RACGAP1: variants seen among roughly 807,000 people sequenced by gnomAD.
RACGAP1 encodes rac GTPase-activating protein 1.
RACGAP1 carries 30 observed loss-of-function variants against 78.1 expected under a neutral mutation model. The observed-to-expected ratio is 0.38, with a 90% CI of 0.29 to 0.52. The LOEUF (loss-of-function observed/expected upper bound fraction) is 0.52, where lower values mean the gene tolerates loss of function less well. Ranked by LOEUF, RACGAP1 falls within the 20% of genes least tolerant of loss-of-function variation. RACGAP1 has a pLI of 0.82. For synonymous variants in RACGAP1, 231 were observed against 264.8 expected (o/e 0.87, Z 1.24); for missense variants, 587 against 777.1 (o/e 0.76, Z 2.91).
exon 2 of RACGAP1, chr12:50,031,845 C>G: frequency 1.5e-6 from 1 of 675,762 alleles, no homozygotes; most frequent in Non-Finnish European, 1.8e-6. Flanking sequence ...TTTCACAGGT[C>G]AGCTGTGGCT....
At chr12:50,030,182 G>C (rs1332275022), upstream of RACGAP1, among the ~76,000 whole-genome samples, 4 of 152,006 alleles carry the variant, frequency 2.6e-5, no homozygotes, top group Non-Finnish European at 2.9e-5. Context: ...TAACAAACTT[G>C]CTTTCATTTA....
At chr12:49,998,887 G>C (rs1215498790) in intron 9 of RACGAP1, among the ~76,000 whole-genome samples, 1 of 151,452 alleles carries the variant, frequency 6.6e-6, no homozygotes, top group Non-Finnish European at 1.5e-5. Context: ...GACAGAGTAA[G>C]ACTCTGTCTC....
At chr12:50,022,279 T>C (rs1950049951) in intron 1 of RACGAP1, among the ~76,000 whole-genome samples, 1 of 152,220 alleles carries the variant, frequency 6.6e-6, no homozygotes, top group African/African-American at 2.4e-5. Context: ...TCTTCTATGT[T>C]CAAAAAGTTA....
intron 9 of RACGAP1, among the ~76,000 whole-genome samples, chr12:49,997,885 A>G (rs566636084): frequency 6.6e-6 from 1 of 152,106 alleles, no homozygotes; most frequent in Non-Finnish European, 1.5e-5. Context: ...GCCATAATCA[A>G]CTAACATTTA....
In RACGAP1 at chr12:49,990,884, C is replaced by G. The variant is rs765392856; in HGVS notation, c.1715-92G>C. 53 of 911,942 alleles carry G rather than the reference C, an allele frequency of 5.8e-5. 1 individual carries two copies. The highest frequency in any genetic ancestry group is 8.1e-5 in the Non-Finnish European group (46 of 570,756). The allele number at this position is 911,942 out of a possible 1,614,324, so 56.5% of individuals were successfully genotyped here. A position where few individuals can be genotyped will look rare whatever the true frequency, so the allele number is the denominator to read the frequency against. ...TTTAAGCTGATTACCCTCTGAAGCACTTAAGAGCTAAGGTTAGACATCTAG... is the reference window on the plus strand; with the variant it reads ...TTTAAGCTGATTACCCTCTGAAGCAGTTAAGAGCTAAGGTTAGACATCTAG... On this transcript the variant is annotated intron_variant, in intron 15 of 16. Coordinates refer to ENST00000312377, the MANE Select transcript of RACGAP1 (RefSeq NM_001319999.2).
intron 7 of RACGAP1, among the ~76,000 whole-genome samples, chr12:50,000,909 G>T (rs112958224): frequency 6.6e-6 from 1 of 152,028 alleles, no homozygotes; most frequent in Admixed American, 6.6e-5. Flanking sequence ...TTAGCCAGAC[G>T]TGGTGGCATG....
intron 3 of RACGAP1, 44 bp downstream of exon 3, chr12:50,006,390 C>G: frequency 6.3e-7 from 1 of 1,599,986 alleles, no homozygotes; most frequent in African/African-American, 1.3e-5. Flanking sequence ...AATGCCTTCC[C>G]CCTCCTGCAT....
intron 8 of RACGAP1, 94 bp downstream of exon 8, chr12:49,999,522 C>T (rs1010400360): frequency 1.7e-6 from 2 of 1,156,464 alleles, no homozygotes; most frequent in Non-Finnish European, 2.6e-6. Context: ...CCCAATACAT[C>T]CAATCCCCGC....
intron 1 of RACGAP1, among the ~76,000 whole-genome samples, chr12:50,018,833 T>G (rs1026030729): frequency 1.3e-5 from 2 of 150,088 alleles, no homozygotes; most frequent in African/African-American, 5.1e-5. Flanking sequence ...CCTGTTCTCT[T>G]GTCCATTTTT....
At chr12:50,018,613 A>C (rs948633532) in intron 1 of RACGAP1, 3 of 1,230,520 alleles carry the variant, frequency 2.4e-6, no homozygotes, top group African/African-American at 3.1e-5. Flanking sequence ...GGAAGACTCT[A>C]ATCAGTAGTT....
At chr12:50,003,800 T>C (rs1592167055) in intron 5 of RACGAP1, among the ~76,000 whole-genome samples, 1 of 152,234 alleles carries the variant, frequency 6.6e-6, no homozygotes, top group East Asian at 1.9e-4. Flanking sequence ...TCCCAGGACC[T>C]TGGTTTCCTT....
At chr12:50,009,466 A>ATT (rs11377593) in intron 2 of RACGAP1, among the ~76,000 whole-genome samples, 137 of 149,588 alleles carry the variant, frequency 9.2e-4, no homozygotes, top group Non-Finnish European at 1.3e-3. Context: ...AGAAATCCTG[A>ATT]TTTTTTTTTT....
At chr12:50,031,801 G>A in exon 2 of RACGAP1, 1 of 975,730 alleles carries the variant, frequency 1.0e-6, no homozygotes, top group Non-Finnish European at 1.2e-6. Context: ...ATTTGTTTAG[G>A]CTTCCTGGTT....
At chr12:49,999,468 C>T (rs1948513926) in intron 8 of RACGAP1, 148 bp downstream of exon 8, 3 of 961,908 alleles carry the variant, frequency 3.1e-6, no homozygotes. Flanking sequence ...TAAAGCATGA[C>T]ACAAGCAGTT....
At chr12:50,024,201 A>G (rs911785004) in intron 1 of RACGAP1, among the ~76,000 whole-genome samples, 3 of 152,192 alleles carry the variant, frequency 2.0e-5, no homozygotes, top group African/African-American at 7.2e-5. Context: ...AGACCCCTGC[A>G]TTGATATATT....
rs139733937 is a variant in RACGAP1 at position 50,003,767 on chromosome 12, T to C, written c.495+468A>G. ...AGCATTATATAGTGCCTAGAAACTC[T>C]AATCACACTTTTCTGGCTGAAATCC... On this transcript the variant is annotated intron_variant, in intron 5 of 16. Transcript: ENST00000312377. Among the ~76,000 whole-genome samples, 5 of 152,360 alleles carry C rather than the reference T, an allele frequency of 3.3e-5. No individual in the cohort carries two copies. In the East Asian group the frequency reaches 9.6e-4, roughly 29 times the overall value.
intron 1 of RACGAP1, chr12:50,021,061 C>T: frequency 2.1e-6 from 2 of 960,144 alleles, no homozygotes; most frequent in Non-Finnish European, 2.5e-6. Context: ...AATTTACTCA[C>T]CCTATTCAAC....
upstream of RACGAP1, among the ~76,000 whole-genome samples, chr12:50,030,247 C>T (rs1371158240): frequency 2.0e-5 from 3 of 151,418 alleles, no homozygotes; most frequent in Non-Finnish European, 4.4e-5. Flanking sequence ...TACTTGCAAG[C>T]CTGAGGCAGG....
At chr12:50,031,214 C>T (rs940043191) in intron 2 of RACGAP1, among the ~76,000 whole-genome samples, 1 of 151,870 alleles carries the variant, frequency 6.6e-6, no homozygotes, top group Non-Finnish European at 1.5e-5. Context: ...CGGTGGCTCA[C>T]ACCTGTAATC....
Sources: gnomAD v4.1 joint callset for allele counts (sites outside exome capture counted in the v4.1 genomes callset) on GRCh38, gnomAD v4.1.1 for gene constraint, MANE v1.5 for transcripts, NCBI Gene and HGNC (gene_info 2026-07-23, HGNC 2026-07-21) for gene names.